CACHD1: variants seen among roughly 807,000 people sequenced by gnomAD.
The protein encoded by CACHD1 is cache domain containing 1, also known as VWFA and cache domain-containing protein 1.
CACHD1 carries 71 observed loss-of-function variants against 138.7 expected under a neutral mutation model. The observed-to-expected ratio is 0.51, with a 90% confidence interval of 0.42 to 0.62. CACHD1 has a LOEUF of 0.62. Ranked by LOEUF, CACHD1 falls within the 20% of genes least tolerant of loss-of-function variation. The pLI, the probability that CACHD1 is intolerant of heterozygous loss-of-function variation, is 0.00. For missense variants in CACHD1, 1,389 were observed against 1,625.3 expected (o/e 0.85, Z 2.50); for synonymous variants, 578 against 591.5 (o/e 0.98, Z 0.33).
At chr1:64,589,135 C>T (rs971035053) in intron 3 of CACHD1, among the ~76,000 whole-genome samples, 1 of 152,138 alleles carries the variant, frequency 6.6e-6, no homozygotes, top group Non-Finnish European at 1.5e-5. Flanking sequence ...TGAAGAAACT[C>T]TTGGAACCAT....
intron 3 of CACHD1, among the ~76,000 whole-genome samples, chr1:64,597,910 C>T (rs1040074706): frequency 6.6e-6 from 1 of 152,096 alleles, no homozygotes; most frequent in Non-Finnish European, 1.5e-5. Context: ...TATAAAGTGT[C>T]CTAAGTATGA....
chr1:64,597,531 T>G lies in CACHD1; in HGVS notation c.411-5275T>G, dbSNP rs1243419741. Among the ~76,000 whole-genome samples, 491 of 147,206 alleles carry G rather than the reference T, an allele frequency of 3.3e-3. 5 individuals are homozygous for G. The highest frequency in any genetic ancestry group is 9.5e-3 in the African/African-American group (381 of 39,946). ...GGAAGTTTTTTTTTTGTTGTTTTTT[T>G]TTTTTTTTTTTTTTTTTTTAACTTA... On this transcript the variant is annotated intron_variant, in intron 3 of 26. Coordinates refer to ENST00000651257, the MANE Select transcript of CACHD1 (RefSeq NM_020925.4).
chr1:64,515,295 G>A (rs1468782888), intron 1 of CACHD1, among the ~76,000 whole-genome samples: 1 of 152,018 alleles, frequency 6.6e-6, no homozygotes, highest in African/African-American at 2.4e-5. Context: ...AACACAATTG[G>A]GGAGCTATGG....
At chr1:64,518,185 C>T (rs1194044808) in intron 1 of CACHD1, among the ~76,000 whole-genome samples, 1 of 152,142 alleles carries the variant, frequency 6.6e-6, no homozygotes, top group African/African-American at 2.4e-5. Flanking sequence ...CAGCTCATGA[C>T]CTGTGCTTAA....
At chr1:64,570,523 T>C (rs1646918706) in intron 2 of CACHD1, among the ~76,000 whole-genome samples, 1 of 151,948 alleles carries the variant, frequency 6.6e-6, no homozygotes, top group Non-Finnish European at 1.5e-5. Context: ...TAAAGGAAGG[T>C]GTTAGCGGTG....
At chr1:64,503,065 G>T (rs1006266142) in intron 1 of CACHD1, among the ~76,000 whole-genome samples, 13 of 152,036 alleles carry the variant, frequency 8.6e-5, no homozygotes, top group Non-Finnish European at 1.6e-4. Flanking sequence ...TTTTTTTGTG[G>T]TTAAACAATT....
intron 4 of CACHD1, among the ~76,000 whole-genome samples, chr1:64,612,291 C>G (rs1647561540): frequency 1.3e-5 from 2 of 152,112 alleles, no homozygotes; most frequent in African/African-American, 4.8e-5. Context: ...TTATAGGATT[C>G]CATATATCAA....
At chr1:64,626,428 T>C (rs1648103062) in intron 4 of CACHD1, among the ~76,000 whole-genome samples, 2 of 152,224 alleles carry the variant, frequency 1.3e-5, no homozygotes, top group African/African-American at 2.4e-5. Flanking sequence ...TTAAAAATGG[T>C]GATCCTCACT....
intron 2 of CACHD1, among the ~76,000 whole-genome samples, chr1:64,561,940 T>G (rs372407254): frequency 1.1e-4 from 1 of 9,468 alleles, no homozygotes; most frequent in African/African-American, 1.2e-4. Context: ...AATTGACAGT[T>G]TGTTTTTTGA....
chr1:64,620,883 A>G (rs1054435071), intron 4 of CACHD1, among the ~76,000 whole-genome samples: 1 of 152,184 alleles, frequency 6.6e-6, no homozygotes, highest in Non-Finnish European at 1.5e-5. Flanking sequence ...AACAGAAACT[A>G]TTAAGATCTT....
At chr1:64,524,855 G>A in intron 1 of CACHD1, among the ~76,000 whole-genome samples, 1 of 152,116 alleles carries the variant, frequency 6.6e-6, no homozygotes, top group East Asian at 1.9e-4. Context: ...ACTGCTTTCC[G>A]AATATTGCTT....
At position 64,602,831 on chromosome 1, in the gene CACHD1, G is replaced by A; in HGVS notation, c.436G>A (p.Val146Met). ...ATTCGATGGGAACTTTAATACCAATGTGTCTAGAACAATTAGTTGTGATCG... is the reference window on the plus strand; with the variant it reads ...ATTCGATGGGAACTTTAATACCAATATGTCTAGAACAATTAGTTGTGATCG... ...MEFDGNFNTN[V>M]SRTISCDRLS... Residue 146 changes from valine (V) to methionine (M), a missense_variant, in exon 4 of 27, where the codon GTG (valine) becomes ATG (methionine). Physicochemically the swap from Val to Met is conservative, Grantham distance 21. Transcript: ENST00000651257. 1 of 1,612,914 alleles carries A rather than the reference G, an allele frequency of 6.2e-7. No individual in the cohort carries two copies. The highest frequency in any genetic ancestry group is 8.5e-7 in the Non-Finnish European group (1 of 1,179,202).
intron 1 of CACHD1, among the ~76,000 whole-genome samples, chr1:64,539,870 C>G (rs1403996583): frequency 1.3e-5 from 2 of 152,208 alleles, no homozygotes; most frequent in Non-Finnish European, 2.9e-5. Context: ...TTCTCCTCTG[C>G]TGAACTCTGA....
chr1:64,679,845 A>G (rs1650113969), intron 24 of CACHD1, 89 bp downstream of exon 24: 2 of 1,389,526 alleles, frequency 1.4e-6, no homozygotes, highest in African/African-American at 1.4e-5. Flanking sequence ...AACTGTCAGA[A>G]CAGTGCTATA....
intron 3 of CACHD1, among the ~76,000 whole-genome samples, chr1:64,583,459 CA>C (rs1449535505): frequency 6.6e-6 from 1 of 152,170 alleles, no homozygotes; most frequent in East Asian, 1.9e-4. Flanking sequence ...GGAATGAGAA[CA>C]ATAACTAATA....
Position 64,647,965 on chromosome 1 carries a change from A to G in CACHD1, c.1321A>G (p.Thr441Ala), listed in dbSNP as rs138623277. 8.1e-6 allele frequency: 13 copies of G among 1,613,966 alleles called. No homozygotes were observed. The highest frequency in any genetic ancestry group is 1.1e-5 in the Non-Finnish European group (13 of 1,179,996). Reference protein sequence around the residue: ...NLETTVGRFYTNLPNRMIDEA... With the variant: ...NLETTVGRFYANLPNRMIDEA... ...GGAGACCACAGTGGGCAGGTTCTAC[A>G]CAAACCTTCCCAACCGGATGATTGA... Residue 441 changes from threonine to alanine, a missense_variant, in exon 9 of 27, where the codon ACA becomes GCA. Coordinates refer to ENST00000651257, the MANE Select transcript of CACHD1 (RefSeq NM_020925.4).
rs1168503755 is a variant in CACHD1, at chr1:64,529,659, C to A, written c.199-20935C>A. On this transcript the variant is annotated intron_variant, in intron 1 of 26. Coordinates refer to ENST00000651257, the MANE Select transcript of CACHD1 (RefSeq NM_020925.4). ...GTCCTATGAAGTGGAAGGGAAGGAA[C>A]TTAGGGCTTAGGTAATGTGCCCTTG... 5.5e-4 allele frequency among the ~76,000 whole-genome samples: 84 copies of A among 152,318 alleles called. 1 individual carries two copies. Among genetic ancestry groups the A allele is most frequent in the Non-Finnish European group, 4.4e-5 (3 of 68,032 alleles).
intron 4 of CACHD1, among the ~76,000 whole-genome samples, chr1:64,620,251 A>C (rs1647861495): frequency 6.6e-6 from 1 of 152,174 alleles, no homozygotes; most frequent in Admixed American, 6.5e-5. Context: ...TGACTTTGGA[A>C]ACAGTGAATA....
In CACHD1 at chr1:64,658,850, A is replaced by T. The variant is rs766802498; in HGVS notation, c.1928A>T (p.His643Leu). 1 of 1,577,994 alleles carries T rather than the reference A, an allele frequency of 6.3e-7. No homozygotes were observed. Among genetic ancestry groups the T allele is most frequent in the East Asian group, 2.3e-5 (1 of 43,328 alleles). Residue 643 changes from histidine to leucine, a missense_variant, in exon 13 of 27, where the codon CAC becomes CTC. By Grantham distance (99) the His-to-Leu change is moderately conservative. Coordinates refer to ENST00000651257, the MANE Select transcript of CACHD1 (RefSeq NM_020925.4). ...CTTGGCCAGCCCAGTGCTTGCCTCC[A>T]CTTCAAACAGCTGGCAACCCTAGGT... ...DLLGQPSACLHFKQLATLESP... is the reference protein window; with the variant it reads ...DLLGQPSACLLFKQLATLESP...
Sources: gnomAD v4.1 joint callset for allele counts (sites outside exome capture counted in the v4.1 genomes callset) on GRCh38, gnomAD v4.1.1 for gene constraint, MANE v1.5 for transcripts, NCBI Gene and HGNC (gene_info 2026-07-23, HGNC 2026-07-21) for gene names.